The following TRAM2 variants were observed in gnomAD, a reference collection of about 807,000 sequenced individuals.
The protein encoded by TRAM2 is translocating chain-associated membrane protein 2.
Under a neutral mutation model 51.0 loss-of-function variants are expected in TRAM2, and 12 were observed. The ratio of observed to expected loss-of-function variants is 0.24; its 90% confidence interval spans 0.15 to 0.38. TRAM2 has a LOEUF of 0.38. TRAM2 is among the 10% of genes least tolerant of loss of function. The pLI is 1.00. For missense variants in TRAM2, 361 were observed against 462.0 expected (o/e 0.78, Z 2.00); for synonymous variants, 175 against 179.4 (o/e 0.98, Z 0.20).
chr6:52,560,114 G>A (rs760041755), intron 1 of TRAM2, among the ~76,000 whole-genome samples: 4 of 151,958 alleles, frequency 2.6e-5, no homozygotes, highest in Non-Finnish European at 5.9e-5. Flanking sequence ...GTGGTGGTGG[G>A]CGCCTGTAAT....
chr6:52,563,003 C>T (rs189515608), intron 1 of TRAM2, among the ~76,000 whole-genome samples: 58 of 152,310 alleles, frequency 3.8e-4, no homozygotes, highest in African/African-American at 1.3e-3. Context: ...ATGCAGTTAA[C>T]GCTTTGACCT....
intron 1 of TRAM2, among the ~76,000 whole-genome samples, chr6:52,545,758 C>T (rs1767187790): frequency 6.6e-6 from 1 of 152,108 alleles, no homozygotes; most frequent in African/African-American, 2.4e-5. Flanking sequence ...TCTTAAAATT[C>T]CACAGGCCCT....
At chr6:52,503,327 G>T (rs1766275817) in intron 10 of TRAM2, 57 bp from the exon 11 acceptor site, 4 of 1,529,234 alleles carry the variant, frequency 2.6e-6, no homozygotes, top group South Asian at 1.1e-5. Flanking sequence ...TAAGGCAGAA[G>T]AGGGGAGGGT....
In TRAM2 at chr6:52,498,411, A is replaced by G. The variant is rs1196349737; in HGVS notation, c.*4786T>C. The stretch of plus-strand genomic sequence containing the variant: ...ATGTGTTAGCACTTGGAGACTGGGA[A>G]GTAAAAGTAAACACCTTTATCATAT... On this transcript the variant is annotated 3_prime_UTR_variant, in exon 11 of 11. Coordinates refer to ENST00000182527, the MANE Select transcript of TRAM2 (RefSeq NM_012288.4). 2 of 152,378 alleles carry G rather than the reference A, an allele frequency of 1.3e-5. No homozygotes were observed. The highest frequency in any genetic ancestry group is 2.9e-5 in the Non-Finnish European group (2 of 68,050). 9.4% of individuals were successfully genotyped at this position (152,378 alleles called of 1,614,324 possible).
chr6:52,526,993 CTTT>C (rs531034081), intron 2 of TRAM2, among the ~76,000 whole-genome samples: 130 of 151,186 alleles, frequency 8.6e-4, no homozygotes, highest in African/African-American at 3.0e-3. Context: ...TTAATTAAGG[CTTT>C]TTTTTTAAAC....
intron 2 of TRAM2, among the ~76,000 whole-genome samples, chr6:52,522,181 C>T (rs1206327379): frequency 6.6e-6 from 1 of 152,238 alleles, no homozygotes; most frequent in Admixed American, 6.5e-5. Flanking sequence ...GACCTTTTAA[C>T]CTTACTAAAA....
intron 7 of TRAM2, among the ~76,000 whole-genome samples, chr6:52,507,036 A>G (rs1766362550): frequency 1.3e-5 from 2 of 152,228 alleles, no homozygotes; most frequent in Non-Finnish European, 2.9e-5. Context: ...TCTTTTCATA[A>G]AAGAGGCTCT....
At chr6:52,507,877 C>G (rs1376862688) in intron 6 of TRAM2, among the ~76,000 whole-genome samples, 2 of 152,112 alleles carry the variant, frequency 1.3e-5, no homozygotes, top group African/African-American at 4.8e-5. Context: ...AAATAAGAGA[C>G]AGGGACTGGA....
Position 52,503,140 on chromosome 6 carries a change from C to T in TRAM2, c.*57G>A. The T allele has an allele frequency of 6.9e-7, 1 of 1,439,664 alleles. No individual in the cohort carries two copies. Among genetic ancestry groups the T allele is most frequent in the African/African-American group, 1.4e-5 (1 of 71,202 alleles). 89.2% of individuals were successfully genotyped at this position (1,439,664 alleles called of 1,614,324 possible). On this transcript the variant is annotated 3_prime_UTR_variant, in exon 11 of 11. Coordinates refer to ENST00000182527, the MANE Select transcript of TRAM2 (RefSeq NM_012288.4). The stretch of plus-strand genomic sequence containing the variant: ...GGAGGAGGCAGGGAGGGGGCCTGGG[C>T]TCCTTGCCCCCTGCTCGGCCCCCAC...
At chr6:52,556,927 C>CAAA (rs11291654) in intron 1 of TRAM2, among the ~76,000 whole-genome samples, 5 of 122,960 alleles carry the variant, frequency 4.1e-5, no homozygotes, top group African/African-American at 1.3e-4. Flanking sequence ...GACTCCATCT[C>CAAA]AAAAAAAAAA....
At chr6:52,557,328 A>G (rs1341349111) in intron 1 of TRAM2, among the ~76,000 whole-genome samples, 1 of 152,240 alleles carries the variant, frequency 6.6e-6, no homozygotes, top group Non-Finnish European at 1.5e-5. Context: ...TTAATTAATT[A>G]ATATTCAGGT....
chr6:52,546,643 T>C (rs1266457178), intron 1 of TRAM2, among the ~76,000 whole-genome samples: 1 of 151,924 alleles, frequency 6.6e-6, no homozygotes, highest in African/African-American at 2.4e-5. Context: ...ATGTCCAATT[T>C]AAATAAAATG....
chr6:52,576,973 C>A lies in TRAM2; in HGVS notation c.-58G>T. On this transcript the variant is annotated 5_prime_UTR_variant, in exon 1 of 11. Transcript: ENST00000182527. ...CACCCTGCGCTCACGAACCGCAGCG[C>A]AAACTTCTCCAGCACCGGCCCGGTC... The A allele has an allele frequency of 6.6e-7, 1 of 1,521,698 alleles. No homozygotes were observed. The highest frequency in any genetic ancestry group is 2.0e-5 in the Admixed American group (1 of 49,252). 94.3% of individuals were successfully genotyped at this position (1,521,698 alleles called of 1,614,324 possible). A position where few individuals can be genotyped will look rare whatever the true frequency, so the allele number is the denominator to read the frequency against.
In TRAM2 at chr6:52,553,756, G is replaced by A. The variant is rs533725050; in HGVS notation, c.121-17910C>T. ...AAATGGAGTTGTTCAGTTGCTTGGTGTAGACAGAGATAGAATCCATAAAGA... is the reference window on the plus strand; with the variant it reads ...AAATGGAGTTGTTCAGTTGCTTGGTATAGACAGAGATAGAATCCATAAAGA... On this transcript the variant is annotated intron_variant, in intron 1 of 10. Transcript: ENST00000182527. 9.2e-5 allele frequency among the ~76,000 whole-genome samples: 14 copies of A among 152,334 alleles called. No individual in the cohort carries two copies. The South Asian group carries it at 2.9e-3, about 32-fold the overall frequency.
At chr6:52,511,749 C>G (rs1317491636) in intron 4 of TRAM2, among the ~76,000 whole-genome samples, 4 of 152,098 alleles carry the variant, frequency 2.6e-5, no homozygotes, top group Non-Finnish European at 5.9e-5. Flanking sequence ...CAAACTTGGG[C>G]CTCCATGAGC....
chr6:52,535,025 C>T (rs983290203), intron 2 of TRAM2, among the ~76,000 whole-genome samples: 1 of 152,120 alleles, frequency 6.6e-6, no homozygotes, highest in Non-Finnish European at 1.5e-5. Context: ...AGACTTGTGG[C>T]TGGGCCTGAG....
At chr6:52,538,653 A>C (rs1373451187) in intron 1 of TRAM2, among the ~76,000 whole-genome samples, 2 of 152,206 alleles carry the variant, frequency 1.3e-5, no homozygotes, top group South Asian at 2.1e-4. Context: ...GCCACACCCC[A>C]GCCAATTAAA....
intron 4 of TRAM2, among the ~76,000 whole-genome samples, chr6:52,515,518 CAG>C (rs1256194463): frequency 2.0e-5 from 3 of 152,218 alleles, no homozygotes; most frequent in African/African-American, 7.2e-5. Flanking sequence ...GGTAGTAAAA[CAG>C]AGAGTAAGCT....
chr6:52,497,954 C>A lies in TRAM2; in HGVS notation c.*5243G>T, dbSNP rs532659498. 6.6e-6 allele frequency: 1 copy of A among 152,192 alleles called. No individual in the cohort carries two copies. The highest frequency in any genetic ancestry group is 1.5e-5 in the Non-Finnish European group (1 of 68,038). The allele number at this position is 152,192 out of a possible 1,614,324, so 9.4% of individuals were successfully genotyped here. ...TCTAGAGTGCTTTTAGGCAGAGTGA[C>A]GGTGATGTCATGGGCACCACGCCAA... is the stretch of plus-strand genomic sequence containing the variant. On this transcript the variant is annotated 3_prime_UTR_variant, in exon 11 of 11. Coordinates refer to ENST00000182527, the MANE Select transcript of TRAM2 (RefSeq NM_012288.4).
Sources: gnomAD v4.1 joint callset for allele counts (sites outside exome capture counted in the v4.1 genomes callset) on GRCh38, gnomAD v4.1.1 for gene constraint, MANE v1.5 for transcripts, NCBI Gene and HGNC (gene_info 2026-07-23, HGNC 2026-07-21) for gene names.